The following PITPNC1 variants were observed in gnomAD, a reference collection of about 807,000 sequenced individuals.
PITPNC1 encodes cytoplasmic phosphatidylinositol transfer protein 1.
A neutral mutation model predicts 44.7 loss-of-function variants in PITPNC1; 18 were observed. The observed-to-expected ratio is 0.40, with a 90% CI of 0.28 to 0.60. The LOEUF (loss-of-function observed/expected upper bound fraction) is 0.60, where lower values mean the gene tolerates loss of function less well. Ranked by LOEUF, PITPNC1 falls within the 20% of genes least tolerant of loss-of-function variation. PITPNC1 has a pLI of 0.39. For missense variants in PITPNC1, 290 were observed against 418.4 expected (o/e 0.69, Z 2.68); for synonymous variants, 141 against 149.6 (o/e 0.94, Z 0.42).
At chr17:67,662,803 G>T (rs534858267) in intron 6 of PITPNC1, among the ~76,000 whole-genome samples, 1 of 152,054 alleles carries the variant, frequency 6.6e-6, no homozygotes, top group Non-Finnish European at 1.5e-5. Context: ...TTAGATACAG[G>T]GGGTACATGT....
At chr17:67,556,554 T>A (rs564367348) in intron 4 of PITPNC1, among the ~76,000 whole-genome samples, 1 of 152,204 alleles carries the variant, frequency 6.6e-6, no homozygotes, top group South Asian at 2.1e-4. Flanking sequence ...CAGGGCACAC[T>A]GATGGGCCAA....
chr17:67,629,236 T>TTGTGTGTGTGTGTGTGTGTGTGTGTG (rs1231017107), intron 5 of PITPNC1, among the ~76,000 whole-genome samples: 2 of 5,726 alleles, frequency 3.5e-4, no homozygotes, highest in East Asian at 8.9e-3. Context: ...CTCTGGGGTA[T>TTGTGTGTGTGTGTGTGTGTGTGTGTG]TCTGTGTGTG....
At chr17:67,667,766 G>T (rs1394272632) in intron 6 of PITPNC1, among the ~76,000 whole-genome samples, 1 of 151,794 alleles carries the variant, frequency 6.6e-6, no homozygotes, top group Non-Finnish European at 1.5e-5. Flanking sequence ...GATCACTCGC[G>T]TTCAGGAGTT....
chr17:67,631,657 A>ATATATATATATATATATATATAT (rs10524740), intron 5 of PITPNC1, among the ~76,000 whole-genome samples: 1 of 7,678 alleles, frequency 1.3e-4, no homozygotes, highest in Non-Finnish European at 2.9e-4. Context: ...AAAAAAAAAA[A>ATATATATATATATATATATATAT]ATATATATAT....
At chr17:67,515,972 G>A (rs919789683) in intron 1 of PITPNC1, among the ~76,000 whole-genome samples, 4 of 152,136 alleles carry the variant, frequency 2.6e-5, no homozygotes, top group Admixed American at 2.0e-4. Flanking sequence ...TTTGATGGGC[G>A]GCTGTGCTTC....
At chr17:67,662,022 C>T (rs1168282971) in intron 6 of PITPNC1, among the ~76,000 whole-genome samples, 2 of 139,918 alleles carry the variant, frequency 1.4e-5, no homozygotes, top group Non-Finnish European at 3.0e-5. Context: ...AGTAATATGA[C>T]TTTAGGTAGG....
intron 5 of PITPNC1, among the ~76,000 whole-genome samples, chr17:67,584,676 G>A (rs780862592): frequency 1.3e-5 from 2 of 152,118 alleles, no homozygotes; most frequent in Non-Finnish European, 2.9e-5. Flanking sequence ...GCCACACCTC[G>A]GGATTAACTG....
Position 67,696,372 on chromosome 17 carries a change from C to T in PITPNC1, c.*3484C>T, listed in dbSNP as rs1353985165. 6.6e-5 allele frequency: 10 copies of T among 152,116 alleles called. No homozygotes were observed. The highest frequency in any genetic ancestry group is 1.3e-4 in the Non-Finnish European group (9 of 68,018). 9.4% of individuals were successfully genotyped at this position (152,116 alleles called of 1,614,324 possible). On this transcript the variant is annotated 3_prime_UTR_variant, in exon 9 of 9. Coordinates refer to ENST00000581322, the MANE Select transcript of PITPNC1 (RefSeq NM_012417.4). ...TCTTTGGCATCTCTTCATGGCTCAG[C>T]GACAACAAAGTAATAGGTCATTGGC...
chr17:67,656,234 A>T (rs1343337029), intron 6 of PITPNC1, among the ~76,000 whole-genome samples: 1 of 152,160 alleles, frequency 6.6e-6, no homozygotes, highest in East Asian at 1.9e-4. Context: ...ACAGTTCTGG[A>T]GGCCGGAAGT....
intron 8 of PITPNC1, 112 bp downstream of exon 8, chr17:67,675,654 T>C: frequency 1.3e-6 from 1 of 741,300 alleles, no homozygotes; most frequent in Admixed American, 2.0e-5. Flanking sequence ...GCAAGGCCGC[T>C]GCTTCCTGTG....
At chr17:67,462,529 G>A (rs2039356001) in intron 1 of PITPNC1, among the ~76,000 whole-genome samples, 1 of 149,682 alleles carries the variant, frequency 6.7e-6, no homozygotes, top group Non-Finnish European at 1.5e-5. Context: ...ACCGTGCCTG[G>A]CTGCACTTTT....
At position 67,408,681 on chromosome 17, in the gene PITPNC1, C is replaced by T. The variant is rs1315760183; in HGVS notation, c.48+30479C>T. The T allele has an allele frequency of 2.4e-3, 42 of 17,480 alleles. 1 individual carries two copies. The highest frequency in any genetic ancestry group is 4.6e-3 in the African/African-American group (39 of 8,516). 1.1% of individuals were successfully genotyped at this position (17,480 alleles called of 1,614,324 possible). Reference sequence around the variant, plus strand: ...CCTCCTTGCTTGCTTTCTCTTTCTTCCTTCCTTCCTTCCTTCCTTCCTTCC... The same window carrying T: ...CCTCCTTGCTTGCTTTCTCTTTCTTTCTTCCTTCCTTCCTTCCTTCCTTCC... On this transcript the variant is annotated intron_variant, in intron 1 of 8. Transcript: ENST00000581322.
intron 1 of PITPNC1, among the ~76,000 whole-genome samples, chr17:67,480,573 T>C (rs1189371276): frequency 6.6e-6 from 1 of 152,158 alleles, no homozygotes; most frequent in Non-Finnish European, 1.5e-5. Context: ...ACATATTAAA[T>C]AAAAGATGAT....
chr17:67,592,262 T>G (rs187404593), intron 5 of PITPNC1, among the ~76,000 whole-genome samples: 1 of 152,078 alleles, frequency 6.6e-6, no homozygotes, highest in South Asian at 2.1e-4. Context: ...AATTAGAAAA[T>G]ATTAATCCCA....
intron 2 of PITPNC1, among the ~76,000 whole-genome samples, chr17:67,536,123 A>G (rs2040523655): frequency 6.6e-6 from 1 of 152,228 alleles, no homozygotes; most frequent in Non-Finnish European, 1.5e-5. Context: ...AAATCTTTGA[A>G]TGGATGTAGG....
At chr17:67,608,733 G>A (rs1163128220) in intron 5 of PITPNC1, among the ~76,000 whole-genome samples, 1 of 148,850 alleles carries the variant, frequency 6.7e-6, no homozygotes, top group Non-Finnish European at 1.5e-5. Context: ...CAAACTCCTG[G>A]GCTCAAGTGA....
intron 1 of PITPNC1, among the ~76,000 whole-genome samples, chr17:67,432,908 A>T (rs1036705915): frequency 1.3e-5 from 2 of 152,216 alleles, no homozygotes; most frequent in Non-Finnish European, 2.9e-5. Flanking sequence ...TGACTAAAAC[A>T]AACTCCCTGC....
chr17:67,504,658 C>T (rs2040077874), intron 1 of PITPNC1, among the ~76,000 whole-genome samples: 1 of 152,134 alleles, frequency 6.6e-6, no homozygotes, highest in Non-Finnish European at 1.5e-5. Context: ...GCCAGTTTAG[C>T]TAAAGTTTTG....
In PITPNC1 at chr17:67,398,128, T is replaced by G. The variant is rs139024408; in HGVS notation, c.48+19926T>G. Among the ~76,000 whole-genome samples the G allele has an allele frequency of 5.2e-3, 788 of 150,898 alleles. 6 individuals carry two copies. Among genetic ancestry groups the G allele is most frequent in the African/African-American group, 0.018 (734 of 41,114 alleles). On this transcript the variant is annotated intron_variant, in intron 1 of 8. Coordinates refer to ENST00000581322, the MANE Select transcript of PITPNC1 (RefSeq NM_012417.4). Reference sequence around the variant, plus strand: ...AAAAAAAAAGTGTTCAAATTTTAAGTCCTGGTAATTTATCCCCTCCCATAG... The same window carrying G: ...AAAAAAAAAGTGTTCAAATTTTAAGGCCTGGTAATTTATCCCCTCCCATAG...
Sources: gnomAD v4.1 joint callset for allele counts (sites outside exome capture counted in the v4.1 genomes callset) on GRCh38, gnomAD v4.1.1 for gene constraint, MANE v1.5 for transcripts, NCBI Gene and HGNC (gene_info 2026-07-23, HGNC 2026-07-21) for gene names.